Variants in ARHGEF4 observed in about 807,000 individuals in gnomAD.
ARHGEF4 encodes Rho guanine nucleotide exchange factor 4.
Under a neutral mutation model 162.0 loss-of-function variants are expected in ARHGEF4, and 119 were observed. The observed-to-expected ratio is 0.73, with a 90% confidence interval of 0.63 to 0.86. ARHGEF4 has a LOEUF of 0.86. Among genes scored for constraint, ARHGEF4 ranks in the 40% least tolerant of loss-of-function variants. The probability of loss-of-function intolerance (pLI) is 0.00; values close to 1 mark genes in which losing one functional copy is unlikely to be tolerated. For missense variants in ARHGEF4, 2,488 were observed against 2,456.0 expected (o/e 1.01, Z -0.28); for synonymous variants, 1,014 against 979.9 (o/e 1.03, Z -0.65).
intron 3 of ARHGEF4, among the ~76,000 whole-genome samples, chr2:130,938,216 G>A (rs1683080881): frequency 6.6e-6 from 1 of 152,156 alleles, no homozygotes; most frequent in Non-Finnish European, 1.5e-5. Context: ...TCATATGATA[G>A]TTGTCTGTTT....
chr2:130,948,705 A>G (rs1237916834), intron 4 of ARHGEF4, among the ~76,000 whole-genome samples: 1 of 152,272 alleles, frequency 6.6e-6, no homozygotes, highest in Non-Finnish European at 1.5e-5. Flanking sequence ...GGCTCTAGCC[A>G]CACTTCACCC....
At chr2:130,845,375 G>A (rs1433592985) in intron 1 of ARHGEF4, among the ~76,000 whole-genome samples, 1 of 152,046 alleles carries the variant, frequency 6.6e-6, no homozygotes, top group African/African-American at 2.4e-5. Flanking sequence ...ACGTGGCATG[G>A]TGCACACACC....
chr2:130,881,855 C>T (rs1322060909), intron 1 of ARHGEF4, among the ~76,000 whole-genome samples: 4 of 151,930 alleles, frequency 2.6e-5, no homozygotes, highest in Admixed American at 6.6e-5. Flanking sequence ...CAGGTGTGTA[C>T]GAGAACCACC....
At chr2:131,007,800 CTTTTTTTTTTTT>C (rs70994731) in intron 4 of ARHGEF4, among the ~76,000 whole-genome samples, 5 of 55,920 alleles carry the variant, frequency 8.9e-5, no homozygotes, top group Admixed American at 2.5e-4. Flanking sequence ...CTTTTCTTTT[CTTTTTTTTTTTT>C]TTTTTTTTTT....
At chr2:130,933,074 G>C (rs1173147633) in intron 3 of ARHGEF4, among the ~76,000 whole-genome samples, 1 of 152,082 alleles carries the variant, frequency 6.6e-6, no homozygotes, top group East Asian at 1.9e-4. Flanking sequence ...AAATTAGCCA[G>C]TGTGGTAGCA....
intron 5 of ARHGEF4, among the ~76,000 whole-genome samples, chr2:131,036,306 A>G (rs1010380936): frequency 2.0e-5 from 3 of 152,192 alleles, no homozygotes; most frequent in African/African-American, 7.2e-5. Flanking sequence ...CTAACTCTAA[A>G]TTAGAGTACC....
chr2:131,034,947 G>A (rs1293296166), intron 5 of ARHGEF4: 2 of 981,372 alleles, frequency 2.0e-6, no homozygotes, highest in Non-Finnish European at 2.4e-6. Flanking sequence ...GGCCTGGGAG[G>A]CGCCGCGCGC....
chr2:130,944,899 TA>T (rs1286586576), intron 3 of ARHGEF4, among the ~76,000 whole-genome samples: 1 of 152,196 alleles, frequency 6.6e-6, no homozygotes, highest in African/African-American at 2.4e-5. Context: ...TAATGATTAT[TA>T]AATTTTTTAA....
At chr2:130,962,187 T>C (rs936608365) in intron 4 of ARHGEF4, among the ~76,000 whole-genome samples, 2 of 148,034 alleles carry the variant, frequency 1.4e-5, no homozygotes, top group Non-Finnish European at 3.0e-5. Flanking sequence ...TGCAGTGAGC[T>C]GAGATCGCGC....
chr2:130,932,936 G>T (rs557165547), intron 3 of ARHGEF4, among the ~76,000 whole-genome samples: 76 of 152,224 alleles, frequency 5.0e-4, no homozygotes, highest in African/African-American at 1.7e-3. Flanking sequence ...CAACTTACCC[G>T]CCAGGCGCAA....
At chr2:130,877,169 G>A (rs1235113994) in intron 1 of ARHGEF4, among the ~76,000 whole-genome samples, 2 of 152,156 alleles carry the variant, frequency 1.3e-5, no homozygotes, top group Non-Finnish European at 2.9e-5. Flanking sequence ...TAAGGGGGAC[G>A]CAGGGGTTCT....
chr2:130,942,658 A>T (rs955809264), intron 3 of ARHGEF4, among the ~76,000 whole-genome samples: 20 of 152,216 alleles, frequency 1.3e-4, no homozygotes, highest in Non-Finnish European at 1.5e-5. Flanking sequence ...TTTTCAAAGC[A>T]GTCACTGGAA....
chr2:130,965,632 G>A (rs1034330277), intron 4 of ARHGEF4, among the ~76,000 whole-genome samples: 4 of 152,138 alleles, frequency 2.6e-5, no homozygotes, highest in South Asian at 2.1e-4. Flanking sequence ...TTATTCAGAC[G>A]GCTTTCCTTC....
rs1160405078 is a variant in ARHGEF4 at position 131,046,783 on chromosome 2, C to T, written c.*594C>T. The T allele has an allele frequency of 6.5e-6, 1 of 153,088 alleles. No homozygotes were observed. The highest frequency in any genetic ancestry group is 6.5e-5 in the Admixed American group (1 of 15,300). The allele number at this position is 153,088 out of a possible 1,614,324, so 9.5% of individuals were successfully genotyped here. A position where few individuals can be genotyped will look rare whatever the true frequency, so the allele number is the denominator to read the frequency against. On this transcript the variant is annotated 3_prime_UTR_variant, in exon 14 of 14. Coordinates refer to ENST00000409359, the MANE Select transcript of ARHGEF4 (RefSeq NM_001367493.1). ...TCAAGACACCGCTGGCTGCTGGACA[C>T]CCTCTTCACTTGTGTGTGTGTGTGT... is the stretch of plus-strand genomic sequence containing the variant.
At chr2:130,959,087 G>A (rs763687256) in intron 4 of ARHGEF4, among the ~76,000 whole-genome samples, 102 of 151,778 alleles carry the variant, frequency 6.7e-4, no homozygotes, top group African/African-American at 2.2e-3. Context: ...GACTACAGGC[G>A]CACCCCACCA....
At chr2:130,884,553 CTG>C (rs1679392488) in intron 1 of ARHGEF4, among the ~76,000 whole-genome samples, 1 of 152,036 alleles carries the variant, frequency 6.6e-6, no homozygotes, top group African/African-American at 2.4e-5. Context: ...AGCAGCGCAC[CTG>C]ATATATGGTG....
intron 1 of ARHGEF4, among the ~76,000 whole-genome samples, chr2:130,871,542 A>T (rs1044291123): frequency 1.1e-4 from 17 of 149,512 alleles, no homozygotes; most frequent in African/African-American, 2.2e-4. Context: ...GTCTCAAAAA[A>T]ATATATATAT....
rs745331874 is a variant in ARHGEF4 at position 130,946,566 on chromosome 2, C to A, written c.3916C>A (p.His1306Asn). Residue 1306 changes from histidine to asparagine, a missense_variant, in exon 4 of 14, where the codon CAT becomes AAT. This residue lies in a region of ARHGEF4 where 1,642 missense variants were observed against 1,481.5 expected (regional missense o/e 1.11). Transcript: ENST00000409359. ...PESLNLPRRS[H>N]PLSQSAPTGL... ...GTCTTTGAATCTCCCTAGAAGAAGCCATCCACTCTCCCAGAGTGCTCCAAC... is the reference window on the plus strand; with the variant it reads ...GTCTTTGAATCTCCCTAGAAGAAGCAATCCACTCTCCCAGAGTGCTCCAAC... The A allele has an allele frequency of 6.2e-7, 1 of 1,614,082 alleles. No homozygotes were observed. The highest frequency in any genetic ancestry group is 1.1e-5 in the South Asian group (1 of 91,078).
At chr2:131,035,692 T>A in intron 5 of ARHGEF4, 1 of 985,838 alleles carries the variant, frequency 1.0e-6, no homozygotes. Context: ...GCAGTTGTTT[T>A]TCCCGTTTTA....
Sources: allele counts gnomAD v4.1 joint callset (sites outside exome capture counted in the v4.1 genomes callset), GRCh38; gene constraint gnomAD v4.1.1; regional missense constraint gnomAD v4.1.1; transcripts MANE v1.5; gene names NCBI Gene and HGNC (gene_info 2026-07-23, HGNC 2026-07-21).